Variants in MAP3K13 observed in about 807,000 individuals in gnomAD.
MAP3K13 encodes the protein mitogen-activated protein kinase kinase kinase 13.
A neutral mutation model predicts 104.0 loss-of-function variants in MAP3K13; 52 were observed. The observed-to-expected ratio is 0.50, with a 90% CI of 0.40 to 0.63. The LOEUF (loss-of-function observed/expected upper bound fraction) is 0.63, where lower values mean the gene tolerates loss of function less well. Ranked by LOEUF, MAP3K13 falls within the 20% of genes least tolerant of loss-of-function variation. MAP3K13 has a pLI of 0.00. For synonymous variants in MAP3K13, 394 were observed against 442.2 expected (o/e 0.89, Z 1.37); for missense variants, 914 against 1,218.5 (o/e 0.75, Z 3.72).
chr3:185,445,667 GCTT>G (rs1192209436), intron 4 of MAP3K13, among the ~76,000 whole-genome samples: 1 of 152,118 alleles, frequency 6.6e-6, no homozygotes, highest in Non-Finnish European at 1.5e-5. Context: ...AGCAGCGTTG[GCTT>G]CTTTAGGTTT....
intron 7 of MAP3K13, among the ~76,000 whole-genome samples, chr3:185,455,635 G>GATATATATGAGATATATATATGAT (rs1716587483): frequency 7.3e-5 from 1 of 13,674 alleles, no homozygotes; most frequent in Non-Finnish European, 1.4e-4. Context: ...ATATATATAT[G>GATATATATGAGATATATATATGAT]ATATATATGA....
At chr3:185,294,632 T>C (rs1195172253) in intron 2 of MAP3K13, among the ~76,000 whole-genome samples, 1 of 152,234 alleles carries the variant, frequency 6.6e-6, no homozygotes, top group Non-Finnish European at 1.5e-5. Flanking sequence ...GAGGCTGTTA[T>C]GTTTATGACA....
rs201584252 is a variant in MAP3K13 at position 185,480,444 on chromosome 3, G to A, written c.2714G>A (p.Gly905Glu). 5 of 1,614,184 alleles carry A rather than the reference G, an allele frequency of 3.1e-6. No homozygotes were observed. The Admixed American group carries it at 8.3e-5, about 27-fold the overall frequency. Residue 905 changes from glycine (G) to glutamate (E), a missense_variant, in exon 13 of 14, where the codon GGG becomes GAG. Physicochemically the swap from Gly to Glu is moderately conservative, Grantham distance 98. Transcript: ENST00000265026. The stretch of plus-strand genomic sequence containing the variant: ...ATTGACATATCCTCACACTCGGATG[G>A]GCTCTCTGACAAGGAGTGTGCCGTG... ...IPIDISSHSD[G>E]LSDKECAVRR...
At chr3:185,357,383 G>A (rs555948004) in intron 2 of MAP3K13, among the ~76,000 whole-genome samples, 1 of 146,860 alleles carries the variant, frequency 6.8e-6, no homozygotes, top group African/African-American at 2.5e-5. Flanking sequence ...GGGAGGCGGA[G>A]GTTACGGTGA....
chr3:185,454,579 A>C (rs371684687), intron 7 of MAP3K13, among the ~76,000 whole-genome samples: 4 of 113,014 alleles, frequency 3.5e-5, no homozygotes, highest in East Asian at 2.3e-4. Flanking sequence ...TATATGATAT[A>C]TATATGATAT....
At chr3:185,463,034 T>C (rs1332336352) in intron 7 of MAP3K13, among the ~76,000 whole-genome samples, 1 of 152,196 alleles carries the variant, frequency 6.6e-6, no homozygotes, top group Non-Finnish European at 1.5e-5. Context: ...TAGCTTCTTA[T>C]ATTTCTATTC....
chr3:185,480,218 C>G lies in MAP3K13; in HGVS notation c.2502-14C>G. The G allele has an allele frequency of 6.2e-7, 1 of 1,607,630 alleles. No homozygotes were observed. Among genetic ancestry groups the G allele is most frequent in the South Asian group, 1.1e-5 (1 of 90,746 alleles). The stretch of plus-strand genomic sequence containing the variant: ...TTCCTCTGACTAAGTTCTCCTGGTT[C>G]TTCTTGGTTCTAGGCCCCATCGCTG... On this transcript the variant is annotated splice_polypyrimidine_tract_variant and intron_variant, in intron 12 of 13. Coordinates refer to ENST00000265026, the MANE Select transcript of MAP3K13 (RefSeq NM_004721.5).
Position 185,482,661 on chromosome 3 carries a change from T to TGG in MAP3K13, c.*205_*206insGG, listed in dbSNP as rs1718531916. On this transcript the variant is annotated 3_prime_UTR_variant, in exon 14 of 14. Coordinates refer to ENST00000265026, the MANE Select transcript of MAP3K13 (RefSeq NM_004721.5). The surrounding 1 kb of genome is among the most constrained non-coding windows in gnomAD (Gnocchi z 4.5). ...AATAATATCCAAATGAAATTAAGTC[T>TGG]CACTGAACATTTCAATCAAGAATGG... 1 of 514,890 alleles carries TGG rather than the reference T, an allele frequency of 1.9e-6. No homozygotes were observed. 31.9% of individuals were successfully genotyped at this position (514,890 alleles called of 1,614,324 possible). A position where few individuals can be genotyped will look rare whatever the true frequency, so the allele number is the denominator to read the frequency against.
chr3:185,454,628 T>TATATATG (rs1553808137), intron 7 of MAP3K13, among the ~76,000 whole-genome samples: 22,330 of 49,944 alleles, frequency 0.45, 7,260 homozygotes, highest in Middle Eastern at 0.63. Context: ...ATATATGAGA[T>TATATATG]ATATATATGA....
intron 2 of MAP3K13, among the ~76,000 whole-genome samples, chr3:185,314,942 C>T (rs1721623370): frequency 6.6e-6 from 1 of 152,050 alleles, no homozygotes; most frequent in Admixed American, 6.5e-5. Flanking sequence ...CACCTGGCCA[C>T]AATTTTTAAA....
intron 1 of MAP3K13, among the ~76,000 whole-genome samples, chr3:185,403,268 GA>G (rs1414125891): frequency 1.3e-5 from 2 of 152,298 alleles, no homozygotes; most frequent in African/African-American, 4.8e-5. Flanking sequence ...ACCCCACTCT[GA>G]ACCAACATAC....
intron 2 of MAP3K13, chr3:185,328,978 TA>T (rs887486987): frequency 3.0e-5 from 12 of 400,422 alleles, no homozygotes; most frequent in African/African-American, 1.0e-4. Flanking sequence ...TAGTTTTTTT[TA>T]AAAAAAACTA....
At position 185,473,439 on chromosome 3, in the gene MAP3K13, T is replaced by C. The variant is rs767156711; in HGVS notation, c.2108T>C (p.Met703Thr). 3.1e-6 allele frequency: 5 copies of C among 1,614,172 alleles called. No individual in the cohort carries two copies. The South Asian group carries it at 3.3e-5, about 11-fold the overall frequency. The change falls in exon 11 of 14, where the codon ATG (methionine) becomes ACG (threonine). Residue 703 changes from methionine (M) to threonine (T), a missense_variant. This residue lies in a region of MAP3K13 where 583 missense variants were observed against 737.4 expected (regional missense o/e 0.79). Coordinates refer to ENST00000265026, the MANE Select transcript of MAP3K13 (RefSeq NM_004721.5). This position sits in a 1 kb window ranked among gnomAD's most constrained non-coding sequence, Gnocchi z 4.9. ...GSSPDLISTA[M>T]AADCWRSSEP... Reference sequence around the variant, plus strand: ...AGCCCTGACCTCATCTCCACAGCCATGGCTGCAGACTGCTGGAGAAGTTCT... The same window carrying C: ...AGCCCTGACCTCATCTCCACAGCCACGGCTGCAGACTGCTGGAGAAGTTCT...
intron 2 of MAP3K13, among the ~76,000 whole-genome samples, chr3:185,301,973 T>C (rs1182148704): frequency 2.0e-5 from 3 of 152,020 alleles, no homozygotes; most frequent in African/African-American, 7.2e-5. Flanking sequence ...TCATATGAAT[T>C]AAAAATTTTT....
rs188981126 is a variant in MAP3K13 at position 185,461,996 on chromosome 3, G to A, written c.1279-1554G>A. Among the ~76,000 whole-genome samples the A allele has an allele frequency of 5.3e-4, 81 of 152,308 alleles. 1 individual carries two copies. The Middle Eastern group carries it at 0.01, about 19-fold the overall frequency. On this transcript the variant is annotated intron_variant, in intron 7 of 13. Coordinates refer to ENST00000265026, the MANE Select transcript of MAP3K13 (RefSeq NM_004721.5). ...CAGCTAACATGGAAAACAATAGGGA[G>A]ACTCCCACCAAATTCAAAATGGAGC...
At chr3:185,470,870 T>C (rs1030612467) in intron 10 of MAP3K13, among the ~76,000 whole-genome samples, 1 of 152,240 alleles carries the variant, frequency 6.6e-6, no homozygotes, top group Non-Finnish European at 1.5e-5. Context: ...AAGGTTAAGA[T>C]AGTTTTGTAA....
intron 1 of MAP3K13, among the ~76,000 whole-genome samples, chr3:185,378,909 T>G (rs1041552418): frequency 2.0e-5 from 3 of 152,110 alleles, no homozygotes; most frequent in Non-Finnish European, 4.4e-5. Flanking sequence ...GGCCAAGCAG[T>G]GTTGCAGAAG....
At chr3:185,370,061 A>G (rs940382901) in intron 1 of MAP3K13, among the ~76,000 whole-genome samples, 3 of 152,222 alleles carry the variant, frequency 2.0e-5, no homozygotes, top group African/African-American at 7.2e-5. Flanking sequence ...GTGATCTCAG[A>G]TGTTCTTTTT....
At chr3:185,457,662 G>A (rs997452973) in intron 7 of MAP3K13, among the ~76,000 whole-genome samples, 2 of 152,154 alleles carry the variant, frequency 1.3e-5, no homozygotes, top group African/African-American at 4.8e-5. Context: ...CAAACATTCA[G>A]ACCATAGCAG....
Sources: gnomAD v4.1 joint callset for allele counts (sites outside exome capture counted in the v4.1 genomes callset) on GRCh38, gnomAD v4.1.1 for gene constraint, gnomAD v4.1.1 regional missense constraint, Gnocchi (gnomAD v3.1) non-coding constraint, MANE v1.5 for transcripts, NCBI Gene and HGNC (gene_info 2026-07-23, HGNC 2026-07-21) for gene names.